The following CAPN2 variants were observed in gnomAD, a reference collection of about 807,000 sequenced individuals.
The protein encoded by CAPN2 is calpain-2 catalytic subunit.
Under a neutral mutation model 102.3 loss-of-function variants are expected in CAPN2, and 92 were observed. The ratio of observed to expected loss-of-function variants is 0.90; its 90% confidence interval spans 0.76 to 1.07. The LOEUF (loss-of-function observed/expected upper bound fraction) is 1.07. Among genes scored for constraint, CAPN2 ranks in the 50% least tolerant of loss-of-function variants. CAPN2 has a pLI of 0.00. For synonymous variants in CAPN2, 340 were observed against 355.4 expected (o/e 0.96, Z 0.49); for missense variants, 800 against 909.4 (o/e 0.88, Z 1.55).
chr1:223,753,024 C>A, intron 9 of CAPN2, 68 bp downstream of exon 9: 1 of 1,484,266 alleles, frequency 6.7e-7, no homozygotes, highest in Non-Finnish European at 9.3e-7. Flanking sequence ...CCCCTTACCC[C>A]ACCCTGTGTA....
At chr1:223,770,253 A>C in intron 17 of CAPN2, 194 bp from the exon 18 acceptor site, 1 of 601,216 alleles carries the variant, frequency 1.7e-6, no homozygotes, top group Non-Finnish European at 3.0e-6. Flanking sequence ...TTTGATGGGC[A>C]TATTTACAAA....
At chr1:223,761,678 CA>C (rs28370128) in intron 13 of CAPN2, 61 bp downstream of exon 13, 96,298 of 1,352,962 alleles carry the variant, frequency 0.071, 4,027 homozygotes, top group Admixed American at 0.091. Context: ...AGCAGAGGAG[CA>C]AAAAAACTCC....
chr1:223,703,356 C>T (rs1659528833), intron 1 of CAPN2, among the ~76,000 whole-genome samples: 1 of 151,570 alleles, frequency 6.6e-6, no homozygotes, highest in Non-Finnish European at 1.5e-5. Flanking sequence ...GTTGTGCAGG[C>T]TGGTCTCAAA....
chr1:223,711,105 T>C (rs1175141015), upstream of CAPN2, among the ~76,000 whole-genome samples: 1 of 152,180 alleles, frequency 6.6e-6, no homozygotes, highest in African/African-American at 2.4e-5. Flanking sequence ...GGCTTCTACT[T>C]AGTAAAGGCC....
chr1:223,718,355 G>T (rs980822083), intron 2 of CAPN2, among the ~76,000 whole-genome samples: 1 of 152,206 alleles, frequency 6.6e-6, no homozygotes, highest in Non-Finnish European at 1.5e-5. Flanking sequence ...GCTCACCATG[G>T]TATCACAGTT....
At chr1:223,745,976 C>T (rs1452376799) in intron 4 of CAPN2, among the ~76,000 whole-genome samples, 2 of 152,250 alleles carry the variant, frequency 1.3e-5, no homozygotes, top group African/African-American at 4.8e-5. Context: ...CTCCGCACAG[C>T]TGCTTCCCAC....
chr1:223,732,279 A>T (rs1660357374), intron 2 of CAPN2, among the ~76,000 whole-genome samples: 1 of 152,200 alleles, frequency 6.6e-6, no homozygotes, highest in Non-Finnish European at 1.5e-5. Flanking sequence ...AGTAAAGTGA[A>T]AGCAAATTTA....
chr1:223,730,871 GC>G (rs1558064036), intron 2 of CAPN2, among the ~76,000 whole-genome samples: 2 of 152,200 alleles, frequency 1.3e-5, no homozygotes, highest in African/African-American at 4.8e-5. Context: ...TTTTCGACTT[GC>G]AATATTTTCA....
At chr1:223,746,295 C>T (rs1660747347) in intron 4 of CAPN2, among the ~76,000 whole-genome samples, 1 of 152,086 alleles carries the variant, frequency 6.6e-6, no homozygotes, top group African/African-American at 2.4e-5. Context: ...TTGCCAACAC[C>T]GTGCCTGTTT....
intron 2 of CAPN2, among the ~76,000 whole-genome samples, chr1:223,739,864 A>C (rs1409654025): frequency 6.6e-6 from 1 of 152,208 alleles, no homozygotes; most frequent in African/African-American, 2.4e-5. Context: ...TATTTGTAGC[A>C]TCTGAGTTAA....
chr1:223,721,072 C>G (rs1029979669), intron 2 of CAPN2, among the ~76,000 whole-genome samples: 2 of 152,228 alleles, frequency 1.3e-5, no homozygotes, highest in Non-Finnish European at 2.9e-5. Flanking sequence ...AATCCACAAA[C>G]ACCCACGCTC....
At chr1:223,766,502 AC>A (rs1661335442) in intron 16 of CAPN2, 71 bp downstream of exon 16, 1 of 1,197,896 alleles carries the variant, frequency 8.3e-7, no homozygotes, top group East Asian at 2.3e-5. Flanking sequence ...AGATTCAAAC[AC>A]ATGGCCTTCT....
chr1:223,759,265 C>G lies in CAPN2; in HGVS notation c.1318-5C>G, dbSNP rs746240845. The G allele has an allele frequency of 3.7e-6, 6 of 1,613,238 alleles. No homozygotes were observed. The highest frequency in any genetic ancestry group is 1.7e-5 in the Admixed American group (1 of 60,008). The stretch of plus-strand genomic sequence containing the variant: ...TACCCCCATGTTTCTCTATTTATTC[C>G]TCAGTTAAGTGGGCAGACCAACATC... On this transcript the variant is annotated splice_region_variant and splice_polypyrimidine_tract_variant and intron_variant, in intron 11 of 20. Transcript: ENST00000295006. The surrounding 1 kb of genome is among the most constrained non-coding windows in gnomAD (Gnocchi z 4.6).
At chr1:223,750,788 C>A in intron 6 of CAPN2, 102 bp from the exon 7 acceptor site, 1 of 1,069,738 alleles carries the variant, frequency 9.3e-7, no homozygotes, top group Non-Finnish European at 1.4e-6. Flanking sequence ...CGTCCTCAGC[C>A]CCATACCTCC....
intron 3 of CAPN2, 44 bp downstream of exon 3, chr1:223,744,262 G>A: frequency 7.9e-7 from 1 of 1,260,822 alleles, no homozygotes; most frequent in Non-Finnish European, 1.2e-6. Context: ...CAGGTCCAGG[G>A]GGCTAGGAAC....
rs746006074 is a variant in CAPN2 at position 223,752,980 on chromosome 1, C to T, written c.1135+24C>T. 3.1e-6 allele frequency: 5 copies of T among 1,611,256 alleles called. No homozygotes were observed. In the South Asian group the frequency reaches 3.3e-5, roughly 11 times the overall value. On this transcript the variant is annotated intron_variant, in intron 9 of 20. Coordinates refer to ENST00000295006, the MANE Select transcript of CAPN2 (RefSeq NM_001748.5). ...GAGTAAGGGCTGTTGCATATAAGGG[C>T]TGTTGCAATGCGGGGCCACCAAAGG...
At chr1:223,732,917 C>T (rs997485072) in intron 2 of CAPN2, among the ~76,000 whole-genome samples, 2 of 152,150 alleles carry the variant, frequency 1.3e-5, no homozygotes, top group African/African-American at 2.4e-5. Context: ...GAAGCTCTGG[C>T]ACCATCAGGG....
At chr1:223,758,050 G>C (rs1036166732) in intron 11 of CAPN2, 25 of 152,084 alleles carry the variant, frequency 1.6e-4, no homozygotes, top group African/African-American at 6.0e-4. Context: ...TAGTAGAGAC[G>C]GGGTTTCACC....
At chr1:223,706,823 T>C (rs918637506) in intron 1 of CAPN2, among the ~76,000 whole-genome samples, 11 of 152,208 alleles carry the variant, frequency 7.2e-5, no homozygotes, top group Admixed American at 3.3e-4. Context: ...CTCACATCTG[T>C]AATCTCAGCG....
Sources: allele counts gnomAD v4.1 joint callset (sites outside exome capture counted in the v4.1 genomes callset), GRCh38; gene constraint gnomAD v4.1.1; non-coding constraint Gnocchi (gnomAD v3.1); transcripts MANE v1.5; gene names NCBI Gene and HGNC (gene_info 2026-07-23, HGNC 2026-07-21).